ASTN1: variants seen among roughly 807,000 people sequenced by gnomAD.
ASTN1 encodes astrotactin 1.
In ASTN1, 41 loss-of-function variants were observed where a neutral mutation model predicts 140.7. That is an observed-to-expected ratio of 0.29 (90% CI 0.23 to 0.38). The LOEUF is 0.38. ASTN1 is among the 10% of genes least tolerant of loss of function. The pLI is 1.00. For synonymous variants in ASTN1, 640 were observed against 652.2 expected (o/e 0.98, Z 0.29); for missense variants, 1,479 against 1,678.8 (o/e 0.88, Z 2.08).
chr1:176,944,770 G>A lies in ASTN1; in HGVS notation c.2250-752C>T, dbSNP rs114878303. 3.9e-3 allele frequency among the ~76,000 whole-genome samples: 596 copies of A among 152,202 alleles called. 1 individual carries two copies. Among genetic ancestry groups the A allele is most frequent in the African/African-American group, 0.013 (525 of 41,516 alleles). ...AGTCCCTACTTCCTGACCTCCTCTCGACAAGATCTAGGCAGAGGCAGTCTC... is the reference window on the plus strand; with the variant it reads ...AGTCCCTACTTCCTGACCTCCTCTCAACAAGATCTAGGCAGAGGCAGTCTC... On this transcript the variant is annotated intron_variant, in intron 13 of 22. Transcript: ENST00000361833.
At chr1:177,164,042 T>C (rs968804638) in intron 1 of ASTN1, among the ~76,000 whole-genome samples, 1 of 151,634 alleles carries the variant, frequency 6.6e-6, no homozygotes, top group African/African-American at 2.4e-5. Context: ...GAGAAGGGAT[T>C]ATGGGAGTTG....
At chr1:176,857,896 T>C (rs1443025268), downstream of ASTN1, among the ~76,000 whole-genome samples, 1 of 152,074 alleles carries the variant, frequency 6.6e-6, no homozygotes, top group Non-Finnish European at 1.5e-5. Context: ...AGGGCGTGAG[T>C]CGGTTTCATC....
chr1:177,161,896 T>C (rs1647394035), intron 1 of ASTN1, among the ~76,000 whole-genome samples: 1 of 152,084 alleles, frequency 6.6e-6, no homozygotes, highest in Admixed American at 6.5e-5. Context: ...TACCACACAA[T>C]TAGGTAGGTA....
chr1:177,006,937 C>T (rs1302774940), intron 8 of ASTN1, among the ~76,000 whole-genome samples: 6 of 152,150 alleles, frequency 3.9e-5, no homozygotes, highest in Admixed American at 6.5e-5. Context: ...ACAGCTGATC[C>T]CTGACTTTCA....
chr1:177,108,959 T>C (rs1295347431), intron 1 of ASTN1, among the ~76,000 whole-genome samples: 1 of 152,076 alleles, frequency 6.6e-6, no homozygotes, highest in African/African-American at 2.4e-5. Context: ...AGAACTCTGA[T>C]TTTGTAGCTA....
chr1:177,155,449 C>T (rs1054051026), intron 1 of ASTN1, among the ~76,000 whole-genome samples: 2 of 152,108 alleles, frequency 1.3e-5, no homozygotes, highest in Non-Finnish European at 2.9e-5. Flanking sequence ...GTATGAACAA[C>T]CTCACTGGAA....
intron 11 of ASTN1, among the ~76,000 whole-genome samples, chr1:176,951,707 A>G (rs1271571376): frequency 5.3e-5 from 8 of 152,232 alleles, no homozygotes; most frequent in Admixed American, 5.2e-4. Context: ...TAACGTCTAG[A>G]TGACCACTGC....
rs140084850 is a variant in ASTN1, at chr1:177,024,308, G to C, written c.1270+275C>G. On this transcript the variant is annotated intron_variant, in intron 6 of 22. Transcript: ENST00000361833. ...CCTTCCTTCCTCTAGCCAGTGGGCTGTGCATTTCTCTCAAAGACAGAGACG... is the reference window on the plus strand; with the variant it reads ...CCTTCCTTCCTCTAGCCAGTGGGCTCTGCATTTCTCTCAAAGACAGAGACG... 9.8e-5 allele frequency among the ~76,000 whole-genome samples: 15 copies of C among 152,310 alleles called. No homozygotes were observed. In the East Asian group the frequency reaches 2.9e-3, roughly 29 times the overall value.
chr1:176,889,801 A>C (rs1204860234), intron 17 of ASTN1, among the ~76,000 whole-genome samples: 4 of 152,212 alleles, frequency 2.6e-5, no homozygotes, highest in Admixed American at 6.5e-5. Flanking sequence ...AGATGAGGTG[A>C]CTTGCCCAGG....
At chr1:176,989,665 GAAGAA>G (rs1674069195) in intron 8 of ASTN1, among the ~76,000 whole-genome samples, 1 of 152,052 alleles carries the variant, frequency 6.6e-6, no homozygotes, top group Non-Finnish European at 1.5e-5. Flanking sequence ...GAGAGAAGAC[GAAGAA>G]GAGAAGAGAA....
In ASTN1 at chr1:176,884,403, A is replaced by T. The variant is rs1369905816; in HGVS notation, c.3162T>A (p.Ile1054=). ...EHSEPPIGVQ[I]VDYLLRQEKV... ...TCTCTTGACGGAGGAGGTAATCTAC[A>T]ATCTGCACCCCGATTGGTGGCTCTG... Residue 1054 remains isoleucine (I), a synonymous_variant, in exon 19 of 23, where the codon ATT becomes ATA. Coordinates refer to ENST00000361833, the MANE Select transcript of ASTN1 (RefSeq NM_004319.3). The T allele has an allele frequency of 6.2e-7, 1 of 1,614,056 alleles. No homozygotes were observed. The highest frequency in any genetic ancestry group is 8.5e-7 in the Non-Finnish European group (1 of 1,180,028).
At chr1:176,986,739 T>C (rs1313314175) in intron 8 of ASTN1, among the ~76,000 whole-genome samples, 1 of 152,164 alleles carries the variant, frequency 6.6e-6, no homozygotes, top group Non-Finnish European at 1.5e-5. Context: ...TCCTCCCATG[T>C]AGAACAACGA....
intron 16 of ASTN1, among the ~76,000 whole-genome samples, chr1:176,903,454 G>A (rs1395713499): frequency 1.5e-4 from 23 of 152,192 alleles, no homozygotes; most frequent in Admixed American, 1.4e-3. Flanking sequence ...CTCCCAGGGC[G>A]AAGTGAGGAT....
At chr1:176,986,453 T>C (rs1673910594) in intron 8 of ASTN1, among the ~76,000 whole-genome samples, 1 of 152,170 alleles carries the variant, frequency 6.6e-6, no homozygotes, top group Admixed American at 6.5e-5. Flanking sequence ...ACCTTACAGG[T>C]ACAAAGGGAT....
intron 16 of ASTN1, among the ~76,000 whole-genome samples, chr1:176,899,035 G>C (rs962134815): frequency 1.3e-5 from 2 of 152,174 alleles, no homozygotes; most frequent in African/African-American, 4.8e-5. Flanking sequence ...TGTTGTCAGG[G>C]AAGGTCCGGA....
chr1:176,895,175 T>C (rs1178355242), intron 16 of ASTN1, among the ~76,000 whole-genome samples: 1 of 152,224 alleles, frequency 6.6e-6, no homozygotes, highest in Non-Finnish European at 1.5e-5. Flanking sequence ...ATCTATGAAG[T>C]AAAGATACGA....
intron 1 of ASTN1, among the ~76,000 whole-genome samples, chr1:177,138,754 G>A (rs565623889): frequency 1.1e-3 from 170 of 152,088 alleles, no homozygotes; most frequent in African/African-American, 2.9e-3. Flanking sequence ...AGAGTGCTTG[G>A]GTGCTACCTG....
rs1185255499 is a variant in ASTN1, at chr1:176,894,563, C to T, written c.2939G>A (p.Arg980Lys). 1.9e-6 allele frequency: 3 copies of T among 1,613,758 alleles called. No individual in the cohort carries two copies. The highest frequency in any genetic ancestry group is 2.2e-5 in the South Asian group (2 of 91,044). ...YELVTNNQTQRLLQEATMSSL... is the reference protein window; with the variant it reads ...YELVTNNQTQKLLQEATMSSL... The stretch of plus-strand genomic sequence containing the variant: ...AGCCAAGAGTCCCAGGCCTCTTACC[C>T]TCTGGGTCTGGTTGTTGGTCACTAG... The change falls in exon 17 of 23, where the codon AGG (arginine) becomes AAG (lysine). Residue 980 changes from arginine (R) to lysine (K), a missense_variant and splice_region_variant. Arg to Lys is a conservative substitution (Grantham distance 26, BLOSUM62 2). This residue lies in a region of ASTN1 where 746 missense variants were observed against 800.9 expected (regional missense o/e 0.93). Transcript: ENST00000361833.
chr1:177,160,107 C>G (rs937492177), intron 1 of ASTN1, among the ~76,000 whole-genome samples: 28 of 152,114 alleles, frequency 1.8e-4, no homozygotes, highest in African/African-American at 6.8e-4. Flanking sequence ...TTTGTTCAAC[C>G]ATGAAAAAGA....
Sources: gnomAD v4.1 joint callset for allele counts (sites outside exome capture counted in the v4.1 genomes callset) on GRCh38, gnomAD v4.1.1 for gene constraint, gnomAD v4.1.1 regional missense constraint, MANE v1.5 for transcripts, NCBI Gene and HGNC (gene_info 2026-07-23, HGNC 2026-07-21) for gene names.